The following CD109 variants were observed in gnomAD, a reference collection of about 807,000 sequenced individuals.
The protein encoded by CD109 is CD109 antigen.
A neutral mutation model predicts 165.8 loss-of-function variants in CD109; 149 were observed. The observed-to-expected ratio is 0.90, with a 90% CI of 0.79 to 1.03. The LOEUF (loss-of-function observed/expected upper bound fraction) is 1.03, where lower values mean the gene tolerates loss of function less well. Ranked by LOEUF, CD109 falls within the 50% of genes least tolerant of loss-of-function variation. The pLI is 0.00. For missense variants in CD109, 1,712 were observed against 1,677.8 expected (o/e 1.02, Z -0.36); for synonymous variants, 585 against 592.1 (o/e 0.99, Z 0.18).
chr6:73,696,251 C>G lies in CD109; in HGVS notation c.36C>G (p.Leu12=), dbSNP rs369446412. The G allele has an allele frequency of 1.2e-3, 1,889 of 1,541,300 alleles. 22 individuals are homozygous for G. The African/African-American group carries it at 0.021, about 17-fold the overall frequency. Residue 12 remains leucine, a synonymous_variant, in exon 1 of 33, where the codon CTC becomes CTG. Transcript: ENST00000287097. ...QGPPLLTAAH[L]LCVCTAALAV... ...CACCGCTCCTGACCGCCGCCCACCTCCTCTGCGTGTGCACCGCCGCGCTGG... is the reference window on the plus strand; with the variant it reads ...CACCGCTCCTGACCGCCGCCCACCTGCTCTGCGTGTGCACCGCCGCGCTGG...
rs1209264082 is a variant in CD109, at chr6:73,824,883, T to C, written c.*1250T>C. The C allele has an allele frequency of 6.6e-6, 1 of 152,216 alleles. No individual in the cohort carries two copies. The highest frequency in any genetic ancestry group is 2.4e-5 in the African/African-American group (1 of 41,466). 9.4% of individuals were successfully genotyped at this position (152,216 alleles called of 1,614,324 possible). A position where few individuals can be genotyped will look rare whatever the true frequency, so the allele number is the denominator to read the frequency against. On this transcript the variant is annotated 3_prime_UTR_variant, in exon 33 of 33. Coordinates refer to ENST00000287097, the MANE Select transcript of CD109 (RefSeq NM_133493.5). Reference sequence around the variant, plus strand: ...TATACTGAAATGATTTAGATATGTGTCAACAATTAATGATCTTTTATTCAA... The same window carrying C: ...TATACTGAAATGATTTAGATATGTGCCAACAATTAATGATCTTTTATTCAA...
Position 73,739,988 on chromosome 6 carries a change from C to T in CD109, c.633+3480C>T, listed in dbSNP as rs188410596. On this transcript the variant is annotated intron_variant, in intron 5 of 32. Coordinates refer to ENST00000287097, the MANE Select transcript of CD109 (RefSeq NM_133493.5). Reference sequence around the variant, plus strand: ...GGCTCAAGTGATCCTCCTGCCTCAGCCTCCTGAGTAGCAGGGACTACAGGT... The same window carrying T: ...GGCTCAAGTGATCCTCCTGCCTCAGTCTCCTGAGTAGCAGGGACTACAGGT... Among the ~76,000 whole-genome samples, 7 of 152,308 alleles carry T rather than the reference C, an allele frequency of 4.6e-5. No homozygotes were observed. In the East Asian group the frequency reaches 1.2e-3, roughly 25 times the overall value.
Position 73,827,610 on chromosome 6 carries a change from A to G in CD109, c.*3977A>G, listed in dbSNP as rs977849309. 6.6e-6 allele frequency: 1 copy of G among 152,204 alleles called. No individual in the cohort carries two copies. Among genetic ancestry groups the G allele is most frequent in the Non-Finnish European group, 1.5e-5 (1 of 68,026 alleles). The allele number at this position is 152,204 out of a possible 1,614,324, so 9.4% of individuals were successfully genotyped here. ...AAGAAGTAAGTGTAACTTTTAAAGTAAGTATATATCAGTGAGAGTAGGCTT... is the reference window on the plus strand; with the variant it reads ...AAGAAGTAAGTGTAACTTTTAAAGTGAGTATATATCAGTGAGAGTAGGCTT... On this transcript the variant is annotated 3_prime_UTR_variant, in exon 33 of 33. Coordinates refer to ENST00000287097, the MANE Select transcript of CD109 (RefSeq NM_133493.5).
At chr6:73,739,307 A>T (rs1772666699) in intron 5 of CD109, among the ~76,000 whole-genome samples, 1 of 152,182 alleles carries the variant, frequency 6.6e-6, no homozygotes, top group African/African-American at 2.4e-5. Flanking sequence ...GGGTCAGTAT[A>T]ACCAAGGAAA....
intron 2 of CD109, among the ~76,000 whole-genome samples, chr6:73,715,202 G>A (rs1268299198): frequency 6.6e-6 from 1 of 152,200 alleles, no homozygotes; most frequent in Non-Finnish European, 1.5e-5. Context: ...GGAGGTTGCA[G>A]TGAGCTGAGA....
At chr6:73,730,621 A>G (rs1416272686) in intron 4 of CD109, 47 bp downstream of exon 4, 1 of 1,259,342 alleles carries the variant, frequency 7.9e-7, no homozygotes, top group South Asian at 1.3e-5. Flanking sequence ...CCATCTTACT[A>G]AACCCCTCTG....
intron 2 of CD109, among the ~76,000 whole-genome samples, chr6:73,700,716 C>G (rs1582028441): frequency 6.6e-6 from 1 of 150,774 alleles, no homozygotes; most frequent in Non-Finnish European, 1.5e-5. Flanking sequence ...ACTTTTATGG[C>G]CAGGAGTGTA....
rs146985607 is a variant in CD109 at position 73,779,374 on chromosome 6, G to A, written c.1828-1050G>A. Among the ~76,000 whole-genome samples the A allele has an allele frequency of 1.6e-3, 246 of 151,068 alleles. 2 individuals carry two copies. The East Asian group carries it at 0.037, about 23-fold the overall frequency. Reference sequence around the variant, plus strand: ...AACCATTCTCCTTCCTCAGCCTCCCGAGTAGTTGGGACTACAGGCGCCCAC... The same window carrying A: ...AACCATTCTCCTTCCTCAGCCTCCCAAGTAGTTGGGACTACAGGCGCCCAC... On this transcript the variant is annotated intron_variant, in intron 15 of 32. Transcript: ENST00000287097.
intron 10 of CD109, among the ~76,000 whole-genome samples, chr6:73,765,409 G>A (rs548779363): frequency 2.6e-5 from 4 of 152,220 alleles, no homozygotes; most frequent in African/African-American, 9.6e-5. Context: ...TGATGTTAGC[G>A]AAAATAGGAA....
In CD109 at chr6:73,766,842, A is replaced by G. The variant is rs777850530; in HGVS notation, c.1416A>G (p.Thr472=). 6.2e-7 allele frequency: 1 copy of G among 1,612,014 alleles called. No individual in the cohort carries two copies. The highest frequency in any genetic ancestry group is 1.3e-5 in the African/African-American group (1 of 74,888). ...GTAAGACATACATCCAACTAAAAACAAGAGATGAAAATATAAAGGTAATGC... is the reference window on the plus strand; with the variant it reads ...GTAAGACATACATCCAACTAAAAACGAGAGATGAAAATATAAAGGTAATGC... ...SPSKTYIQLK[T]RDENIKVGSP... Residue 472 remains threonine (T), a synonymous_variant, in exon 12 of 33, where the codon ACA becomes ACG. Transcript: ENST00000287097.
At position 73,722,023 on chromosome 6, in the gene CD109, A is replaced by G. The variant is rs186372664; in HGVS notation, c.248-1228A>G. Among the ~76,000 whole-genome samples, 15 of 152,366 alleles carry G rather than the reference A, an allele frequency of 9.8e-5. No homozygotes were observed. The East Asian group carries it at 2.1e-3, about 22-fold the overall frequency. On this transcript the variant is annotated intron_variant, in intron 2 of 32. Transcript: ENST00000287097. ...AGTGCTGGGATTATAGGTGTGAGCCACTGTGCCTGGCTATAAAGTTTTTCT... is the reference window on the plus strand; with the variant it reads ...AGTGCTGGGATTATAGGTGTGAGCCGCTGTGCCTGGCTATAAAGTTTTTCT...
intron 23 of CD109, among the ~76,000 whole-genome samples, chr6:73,799,329 A>G (rs4708086): frequency 0.54 from 82,191 of 152,020 alleles, 22,733 homozygotes; most frequent in African/African-American, 0.65. Flanking sequence ...ATTTTGAGAC[A>G]TATATTCAAA....
At chr6:73,816,862 C>A (rs1356840884) in intron 30 of CD109, among the ~76,000 whole-genome samples, 1 of 152,076 alleles carries the variant, frequency 6.6e-6, no homozygotes, top group Non-Finnish European at 1.5e-5. Flanking sequence ...AGGTGGGGAA[C>A]CAGAATTCAG....
At position 73,792,613 on chromosome 6, in the gene CD109, C is replaced by T. The variant is rs760405433; in HGVS notation, c.2702-13C>T. The T allele has an allele frequency of 1.2e-6, 2 of 1,611,686 alleles. No homozygotes were observed. Among genetic ancestry groups the T allele is most frequent in the Non-Finnish European group, 8.5e-7 (1 of 1,179,624 alleles). On this transcript the variant is annotated splice_polypyrimidine_tract_variant and intron_variant, in intron 22 of 32. Transcript: ENST00000287097. ...AGTATTTACTGAATGAACTGCATGTCTTGTGCTTCCAGGAGATGTTCTTGG... is the reference window on the plus strand; with the variant it reads ...AGTATTTACTGAATGAACTGCATGTTTTGTGCTTCCAGGAGATGTTCTTGG...
intron 24 of CD109, 126 bp from the exon 25 acceptor site, chr6:73,806,718 C>T: frequency 3.1e-6 from 2 of 644,962 alleles, no homozygotes; most frequent in South Asian, 4.4e-5. Flanking sequence ...CTTGTTCCAT[C>T]TTCAGTGATT....
chr6:73,781,128 T>G (rs1176589089), intron 16 of CD109, 131 bp from the exon 17 acceptor site: 1 of 639,150 alleles, frequency 1.6e-6, no homozygotes, highest in Non-Finnish European at 2.8e-6. Context: ...AAAGGTTGAA[T>G]GTATGTGCAT....
intron 5 of CD109, among the ~76,000 whole-genome samples, chr6:73,754,970 T>A (rs559902202): frequency 7.2e-4 from 109 of 152,328 alleles, no homozygotes; most frequent in African/African-American, 2.5e-3. Flanking sequence ...CATGTTGTAT[T>A]TACTCAATTA....
chr6:73,766,525 ATG>A (rs574517155), intron 11 of CD109, among the ~76,000 whole-genome samples: 12 of 105,476 alleles, frequency 1.1e-4, no homozygotes, highest in Non-Finnish European at 1.8e-4. Context: ...GTATATGTAT[ATG>A]TGTGTGTGTA....
chr6:73,683,152 C>T, the CD109 span, among the ~76,000 whole-genome samples: 4 of 152,210 alleles, frequency 2.6e-5, no homozygotes, highest in Non-Finnish European at 5.9e-5. Flanking sequence ...ATTTGCTTTT[C>T]TATTGCATTG....
Sources: allele counts gnomAD v4.1 joint callset (sites outside exome capture counted in the v4.1 genomes callset), GRCh38; gene constraint gnomAD v4.1.1; transcripts MANE v1.5; gene names NCBI Gene and HGNC (gene_info 2026-07-23, HGNC 2026-07-21).